The following PARG variants were observed in gnomAD, a reference collection of about 807,000 sequenced individuals.
The protein encoded by PARG is poly(ADP-ribose) glycohydrolase, also known as mitochondrial poly(ADP-ribose) glycohydrolase.
Under a neutral mutation model 113.0 loss-of-function variants are expected in PARG, and 35 were observed. That is an observed-to-expected ratio of 0.31 (90% confidence interval 0.24 to 0.41). The LOEUF (loss-of-function observed/expected upper bound fraction) is 0.41. PARG is among the 10% of genes least tolerant of loss of function. The pLI, the probability that PARG is intolerant of heterozygous loss-of-function variation, is 1.00. For missense variants in PARG, 797 were observed against 1,169.4 expected, an observed-to-expected ratio of 0.68 and a Z score of 4.64; for synonymous variants, 330 against 409.9, an observed-to-expected ratio of 0.81 and a Z score of 2.36.
chr10:49,939,314 A>C (rs1402216020), intron 1 of PARG, among the ~76,000 whole-genome samples: 4 of 152,216 alleles, frequency 2.6e-5, no homozygotes, highest in Non-Finnish European at 5.9e-5. Context: ...CTCCCTGTCT[A>C]CAGCCTTGAC....
intron 9 of PARG, among the ~76,000 whole-genome samples, chr10:49,870,274 G>A (rs1414166334): frequency 6.6e-6 from 1 of 150,640 alleles, no homozygotes; most frequent in South Asian, 2.2e-4. Context: ...TCTGCCATGT[G>A]AGGACAAGAT....
At chr10:49,827,709 C>A (rs1326251553) in intron 16 of PARG, among the ~76,000 whole-genome samples, 1 of 152,044 alleles carries the variant, frequency 6.6e-6, no homozygotes, top group Non-Finnish European at 1.5e-5. Flanking sequence ...CACTCAATTC[C>A]TTCACAAAAT....
At position 49,934,021 on chromosome 10, in the gene PARG, T is replaced by A. The variant is rs1838621519; in HGVS notation, c.427A>T (p.Thr143Ser). The change falls in exon 3 of 18, where the codon ACA becomes TCA. Residue 143 changes from threonine (T) to serine (S), a missense_variant. This residue lies in a region of PARG where 284 missense variants were observed against 306.1 expected (regional missense o/e 0.93). Transcript: ENST00000616448. Reference sequence around the variant, plus strand: ...GTCTGATGCTGGTTCAAATACTGTGTACTTTTTTCAGTGGGTGACTTATCA... The same window carrying A: ...GTCTGATGCTGGTTCAAATACTGTGAACTTTTTTCAGTGGGTGACTTATCA... ...SLDKSPTEKSTQYLNQHQTAA... is the reference protein window; with the variant it reads ...SLDKSPTEKSSQYLNQHQTAA... 1 of 1,610,292 alleles carries A rather than the reference T, an allele frequency of 6.2e-7. No individual in the cohort carries two copies. The highest frequency in any genetic ancestry group is 1.3e-5 in the African/African-American group (1 of 74,870).
chr10:49,890,470 G>C (rs2813055), intron 7 of PARG, among the ~76,000 whole-genome samples: 12 of 152,132 alleles, frequency 7.9e-5, no homozygotes, highest in South Asian at 2.1e-4. Context: ...ACTATTATGT[G>C]TCAGGAATTG....
At chr10:49,847,259 A>C (rs1454459951) in intron 13 of PARG, among the ~76,000 whole-genome samples, 2 of 152,238 alleles carry the variant, frequency 1.3e-5, no homozygotes, top group African/African-American at 2.4e-5. Flanking sequence ...GATGAGGACA[A>C]GATGTTTACA....
chr10:49,821,632 G>A (rs998336084), intron 16 of PARG, among the ~76,000 whole-genome samples: 8 of 152,074 alleles, frequency 5.3e-5, no homozygotes, highest in Non-Finnish European at 8.8e-5. Context: ...TGCCCGTCTC[G>A]GCCTCCCAAA....
intron 4 of PARG, among the ~76,000 whole-genome samples, chr10:49,928,090 G>C (rs1838301088): frequency 6.6e-6 from 1 of 151,988 alleles, no homozygotes; most frequent in South Asian, 2.1e-4. Flanking sequence ...AGCCAACATG[G>C]CGAAACCCCG....
chr10:49,845,539 G>C (rs1224555200), intron 13 of PARG, among the ~76,000 whole-genome samples: 2 of 152,190 alleles, frequency 1.3e-5, no homozygotes, highest in Non-Finnish European at 2.9e-5. Flanking sequence ...CCTCAGCTCT[G>C]CTCTTAAGGC....
chr10:49,895,478 A>T (rs1848035880), intron 7 of PARG, among the ~76,000 whole-genome samples: 1 of 151,418 alleles, frequency 6.6e-6, no homozygotes, highest in South Asian at 2.1e-4. Flanking sequence ...ATCTCGGCTC[A>T]CTGCAACCTC....
At chr10:49,896,532 G>T (rs1311154063) in intron 7 of PARG, among the ~76,000 whole-genome samples, 1 of 152,078 alleles carries the variant, frequency 6.6e-6, no homozygotes, top group African/African-American at 2.4e-5. Flanking sequence ...TGATCCACCC[G>T]CCTTGGCCTC....
intron 9 of PARG, among the ~76,000 whole-genome samples, chr10:49,869,794 C>T (rs1846703912): frequency 6.6e-6 from 1 of 151,706 alleles, no homozygotes; most frequent in African/African-American, 2.4e-5. Flanking sequence ...CTACCAACCA[C>T]ATTTCTCCAA....
rs782803968 is a variant in PARG at position 49,922,445 on chromosome 10, A to C, written c.1579-26T>G. 5 of 1,609,706 alleles carry C rather than the reference A, an allele frequency of 3.1e-6. No individual in the cohort carries two copies. In the East Asian group the frequency reaches 6.7e-5, roughly 22 times the overall value. On this transcript the variant is annotated intron_variant, in intron 5 of 17. Transcript: ENST00000616448. ...CTTTTGGAAAAAAGAAAAACATATG[A>C]GGAAGCTATTCTAAGTTGTTTTGCA...
At chr10:49,900,876 CAT>C (rs1213343942) in intron 7 of PARG, among the ~76,000 whole-genome samples, 1 of 151,954 alleles carries the variant, frequency 6.6e-6, no homozygotes, top group African/African-American at 2.4e-5. Context: ...TTCAATACCA[CAT>C]AGTCACATTA....
chr10:49,920,820 G>GT (rs1169005602), intron 6 of PARG, among the ~76,000 whole-genome samples: 2 of 151,886 alleles, frequency 1.3e-5, no homozygotes, highest in African/African-American at 4.8e-5. Flanking sequence ...TGGAGGCAGG[G>GT]TTGATCCCTC....
chr10:49,886,527 T>A (rs1427170125), intron 7 of PARG, among the ~76,000 whole-genome samples: 1 of 152,188 alleles, frequency 6.6e-6, no homozygotes, highest in Admixed American at 6.5e-5. Context: ...ATATTTGTAA[T>A]TCAGAGAGTT....
intron 6 of PARG, among the ~76,000 whole-genome samples, chr10:49,919,074 G>C (rs1322030130): frequency 1.3e-5 from 2 of 152,034 alleles, no homozygotes; most frequent in African/African-American, 4.8e-5. Context: ...CTGAGTAGCG[G>C]GCATTACAGG....
At chr10:49,840,625 T>C (rs1161606853) in intron 15 of PARG, among the ~76,000 whole-genome samples, 2 of 152,124 alleles carry the variant, frequency 1.3e-5, no homozygotes, top group Admixed American at 1.3e-4. Flanking sequence ...TTTATAAAAT[T>C]TGAGAACTCT....
intron 11 of PARG, among the ~76,000 whole-genome samples, chr10:49,864,294 CT>C (rs1242989875): frequency 1.3e-5 from 2 of 151,628 alleles, no homozygotes; most frequent in Non-Finnish European, 2.9e-5. Flanking sequence ...GTCGCTTAAC[CT>C]TTTATCTACT....
intron 16 of PARG, among the ~76,000 whole-genome samples, chr10:49,821,515 G>T (rs1844075981): frequency 6.6e-6 from 1 of 152,070 alleles, no homozygotes. Context: ...AAGTAGCTGG[G>T]ATTACAGGAG....
Sources: allele counts gnomAD v4.1 joint callset (sites outside exome capture counted in the v4.1 genomes callset), GRCh38; gene constraint gnomAD v4.1.1; regional missense constraint gnomAD v4.1.1; transcripts MANE v1.5; gene names NCBI Gene and HGNC (gene_info 2026-07-23, HGNC 2026-07-21).